ANOS1: variants seen among roughly 807,000 people sequenced by gnomAD.
ANOS1 encodes the protein anosmin-1.
Under a neutral mutation model 59.0 loss-of-function variants are expected in ANOS1, and 6 were observed. The ratio of observed to expected loss-of-function variants is 0.10; its 90% CI spans 0.06 to 0.20. ANOS1 has a LOEUF of 0.20. Among genes scored for constraint, ANOS1 ranks in the 10% least tolerant of loss-of-function variants. ANOS1 has a pLI of 1.00. For synonymous variants in ANOS1, 217 were observed against 223.4 expected (o/e 0.97, Z 0.25); for missense variants, 433 against 542.3 (o/e 0.80, Z 2.00).
rs1162458402 is a variant in ANOS1 at position 8,729,391 on chromosome X, CTTTTTTTTTTT to C, written c.207+2428_207+2438del. ...CAGACTGATTGCTCCACCTTCCTTC[CTTTTTTTTTTT>C]TTTTTTTTTTTTTTTTGAGACAGTC... On this transcript the variant is annotated intron_variant, in intron 1 of 13. Coordinates refer to ENST00000262648, the MANE Select transcript of ANOS1 (RefSeq NM_000216.4). Among the ~76,000 whole-genome samples, 259 of 72,610 alleles carry C rather than the reference CTTTTTTTTTTT, an allele frequency of 3.6e-3. 1 individual carries two copies. The highest frequency in any genetic ancestry group is 0.019 in the Middle Eastern group (3 of 160). 63.1% of individuals were successfully genotyped at this position (72,610 alleles called of 115,157 possible). A position where few individuals can be genotyped will look rare whatever the true frequency, so the allele number is the denominator to read the frequency against.
intron 1 of ANOS1, among the ~76,000 whole-genome samples, chrX:8,716,039 G>A (rs954844247): frequency 9.0e-6 from 1 of 111,265 alleles, no homozygotes; most frequent in African/African-American, 3.3e-5. Context: ...CAGCACCACC[G>A]TCAAAATGGA....
At chrX:8,676,486 T>C (rs1241266221) in intron 2 of ANOS1, among the ~76,000 whole-genome samples, 1 of 111,540 alleles carries the variant, frequency 9.0e-6, no homozygotes, top group African/African-American at 3.3e-5. Flanking sequence ...TGTCAATAAG[T>C]CCTGTTGAAG....
chrX:8,721,464 A>G (rs763804133), intron 1 of ANOS1, among the ~76,000 whole-genome samples: 2 of 112,224 alleles, frequency 1.8e-5, no homozygotes, highest in South Asian at 7.5e-4. Context: ...TAGATATTTT[A>G]TGTGAAACAA....
At chrX:8,591,501 G>A (rs146341701) in intron 4 of ANOS1, among the ~76,000 whole-genome samples, 1,903 of 111,721 alleles carry the variant, frequency 0.017, 20 homozygotes, top group Non-Finnish European at 0.028. Context: ...CAGTGCCCTC[G>A]CTGTAAGGTT....
chrX:8,587,829 C>T lies in ANOS1; in HGVS notation c.691G>A (p.Glu231Lys), dbSNP rs2146819188. Reference protein sequence around the residue: ...RRWNYGIHPSEDDATHWQTVA... With the variant: ...RRWNYGIHPSKDDATHWQTVA... ...GTCTGCCAGTGAGTGGCGTCATCTT[C>T]GCTAGGATGGATTCCATAATTCCAT... Residue 231 changes from glutamate (E) to lysine (K), a missense_variant, in exon 5 of 14, where the codon GAA (glutamate) becomes AAA (lysine). Coordinates refer to ENST00000262648, the MANE Select transcript of ANOS1 (RefSeq NM_000216.4). 2 of 1,205,551 alleles carry T rather than the reference C, an allele frequency of 1.7e-6. No individual in the cohort carries two copies. Among genetic ancestry groups the T allele is most frequent in the Non-Finnish European group, 2.2e-6 (2 of 891,951 alleles).
chrX:8,542,597 A>G (rs745793205), intron 9 of ANOS1, among the ~76,000 whole-genome samples: 71 of 108,314 alleles, frequency 6.6e-4, no homozygotes, highest in Non-Finnish European at 1.0e-3. Context: ...CACTGGTCTA[A>G]AATCAAGGCA....
intron 2 of ANOS1, among the ~76,000 whole-genome samples, chrX:8,693,770 A>C: frequency 1.2e-5 from 1 of 84,720 alleles, no homozygotes; most frequent in Non-Finnish European, 2.2e-5. Flanking sequence ...ACAGAGTCTC[A>C]CTCTGTCGCC....
intron 8 of ANOS1, chrX:8,566,040 C>G (rs1021394397): frequency 1.3e-6 from 1 of 753,194 alleles, no homozygotes; most frequent in East Asian, 1.5e-4. Context: ...CCATGCAATG[C>G]GCTTCTCTAA....
At chrX:8,711,157 C>T (rs745653085) in intron 1 of ANOS1, among the ~76,000 whole-genome samples, 1 of 112,357 alleles carries the variant, frequency 8.9e-6, no homozygotes, top group East Asian at 2.8e-4. Context: ...CTCAAAATTA[C>T]CATGCCTAAG....
intron 9 of ANOS1, among the ~76,000 whole-genome samples, chrX:8,553,213 AAAATAAAC>A (rs1308248873): frequency 2.7e-5 from 3 of 111,466 alleles, no homozygotes; most frequent in Non-Finnish European, 5.7e-5. Context: ...ACTAAAAAAA[AAAATAAAC>A]AAAAAGAATT....
intron 1 of ANOS1, among the ~76,000 whole-genome samples, chrX:8,720,525 G>A (rs754497096): frequency 2.7e-5 from 3 of 111,967 alleles, no homozygotes; most frequent in South Asian, 3.7e-4. Flanking sequence ...TTTAAAAGAC[G>A]ATTCATGGTT....
intron 2 of ANOS1, among the ~76,000 whole-genome samples, chrX:8,634,499 G>A (rs1931541648): frequency 8.9e-6 from 1 of 111,735 alleles, no homozygotes; most frequent in Non-Finnish European, 1.9e-5. Context: ...ACAGAGCCAT[G>A]TCTGTTCATT....
At chrX:8,630,470 T>C (rs1318264079) in intron 2 of ANOS1, among the ~76,000 whole-genome samples, 3 of 110,810 alleles carry the variant, frequency 2.7e-5, no homozygotes, top group African/African-American at 9.9e-5. Context: ...AAAAAAGTCA[T>C]AAGAAATGAA....
intron 3 of ANOS1, among the ~76,000 whole-genome samples, chrX:8,614,864 T>C (rs938972457): frequency 3.6e-4 from 30 of 84,307 alleles, no homozygotes; most frequent in African/African-American, 1.2e-3. Context: ...CCGAGTAATA[T>C]AAGAAAAATA....
intron 9 of ANOS1, among the ~76,000 whole-genome samples, chrX:8,547,948 C>T (rs992938597): frequency 4.5e-5 from 5 of 111,893 alleles, no homozygotes; most frequent in African/African-American, 1.6e-4. Flanking sequence ...AATTCCTAAC[C>T]TCATGATCCG....
chrX:8,634,492 G>C (rs780587570), intron 2 of ANOS1, among the ~76,000 whole-genome samples: 6 of 111,847 alleles, frequency 5.4e-5, no homozygotes, highest in African/African-American at 9.7e-5. Flanking sequence ...TATTGGAACA[G>C]AGCCATGTCT....
chrX:8,637,503 A>G (rs1931591433), intron 2 of ANOS1, among the ~76,000 whole-genome samples: 1 of 112,248 alleles, frequency 8.9e-6, no homozygotes, highest in South Asian at 3.7e-4. Context: ...TACCTAGACC[A>G]GTGGTGTCCA....
intron 2 of ANOS1, among the ~76,000 whole-genome samples, chrX:8,667,976 A>C (rs1932179938): frequency 9.0e-6 from 1 of 111,356 alleles, no homozygotes; most frequent in South Asian, 3.8e-4. Context: ...ATGAGGTCTG[A>C]GTGACTGCAA....
chrX:8,719,837 TA>T (rs1191685238), intron 1 of ANOS1, among the ~76,000 whole-genome samples: 1 of 110,142 alleles, frequency 9.1e-6, no homozygotes, highest in Non-Finnish European at 1.9e-5. Flanking sequence ...CTTATGAAAA[TA>T]AAAAAGTTAT....
Sources: allele counts gnomAD v4.1 joint callset (sites outside exome capture counted in the v4.1 genomes callset), GRCh38; gene constraint gnomAD v4.1.1; transcripts MANE v1.5; gene names NCBI Gene and HGNC (gene_info 2026-07-23, HGNC 2026-07-21).